Variants in CHODL observed in about 807,000 individuals in gnomAD.
The protein encoded by CHODL is chondrolectin.
Under a neutral mutation model 34.5 loss-of-function variants are expected in CHODL, and 29 were observed. The observed-to-expected ratio is 0.84, with a 90% CI of 0.63 to 1.15. CHODL has a LOEUF of 1.15. Among genes scored for constraint, CHODL ranks in the 50% most tolerant of loss-of-function variants. The pLI is 0.00. For synonymous variants in CHODL, 125 were observed against 116.1 expected (o/e 1.08, Z -0.49); for missense variants, 332 against 332.5 (o/e 1.00, Z 0.01).
intron 2 of CHODL, among the ~76,000 whole-genome samples, chr21:18,206,220 C>T (rs1381792732): frequency 6.6e-6 from 1 of 152,102 alleles, no homozygotes; most frequent in Non-Finnish European, 1.5e-5. Flanking sequence ...TTGTTCAATG[C>T]TAAAAGTAGG....
At chr21:17,976,027 G>A (rs2063659147) in intron 1 of CHODL, among the ~76,000 whole-genome samples, 1 of 152,010 alleles carries the variant, frequency 6.6e-6, no homozygotes, top group Non-Finnish European at 1.5e-5. Flanking sequence ...AAGTTTCTGT[G>A]AGAAATAGGC....
At chr21:18,034,803 G>A (rs2064290578) in intron 2 of CHODL, among the ~76,000 whole-genome samples, 1 of 152,008 alleles carries the variant, frequency 6.6e-6, no homozygotes, top group South Asian at 2.1e-4. Flanking sequence ...TTTCTCCAGG[G>A]AGGAAAAAGC....
intron 2 of CHODL, among the ~76,000 whole-genome samples, chr21:18,156,955 T>C (rs1462886627): frequency 6.6e-6 from 1 of 152,232 alleles, no homozygotes; most frequent in Non-Finnish European, 1.5e-5. Flanking sequence ...AGTATGCCTA[T>C]CCTTGCCCTC....
At chr21:17,939,159 ATGT>A (rs2063343851) in intron 1 of CHODL, among the ~76,000 whole-genome samples, 1 of 152,192 alleles carries the variant, frequency 6.6e-6, no homozygotes, top group African/African-American at 2.4e-5. Flanking sequence ...TATAGGTACA[ATGT>A]TGTACAGCAG....
intron 2 of CHODL, among the ~76,000 whole-genome samples, chr21:18,068,794 T>A (rs2064762132): frequency 6.6e-6 from 1 of 151,666 alleles, no homozygotes; most frequent in Admixed American, 6.6e-5. Context: ...TTTTTTTTTT[T>A]AACCCTAAAC....
At chr21:18,029,942 T>C (rs2064227804) in intron 2 of CHODL, among the ~76,000 whole-genome samples, 1 of 152,156 alleles carries the variant, frequency 6.6e-6, no homozygotes, top group Non-Finnish European at 1.5e-5. Flanking sequence ...TATTAGCTTT[T>C]ATCCTCTCTT....
At chr21:18,155,315 C>T (rs1473339869) in intron 2 of CHODL, among the ~76,000 whole-genome samples, 2 of 152,174 alleles carry the variant, frequency 1.3e-5, no homozygotes, top group Non-Finnish European at 2.9e-5. Context: ...CCTCAGTTCT[C>T]CCTTGAAAGA....
At chr21:18,077,532 C>A (rs1365160641) in intron 2 of CHODL, among the ~76,000 whole-genome samples, 5 of 152,038 alleles carry the variant, frequency 3.3e-5, no homozygotes, top group African/African-American at 1.2e-4. Context: ...ATGTAGAAAT[C>A]CTTACCTCTA....
At chr21:18,248,395 A>G (rs2074169938) in intron 1 of CHODL, among the ~76,000 whole-genome samples, 1 of 151,392 alleles carries the variant, frequency 6.6e-6, no homozygotes, top group African/African-American at 2.4e-5. Flanking sequence ...CAGAGATGCA[A>G]TTACTTTAAG....
intron 1 of CHODL, among the ~76,000 whole-genome samples, chr21:17,968,742 T>A (rs2824584): frequency 0.16 from 23,715 of 152,092 alleles, 2,158 homozygotes; most frequent in Middle Eastern, 0.27. Flanking sequence ...AGAGTTCATC[T>A]GGAATTTCTC....
At chr21:17,944,688 T>G (rs1876037) in intron 1 of CHODL, among the ~76,000 whole-genome samples, 1 of 151,994 alleles carries the variant, frequency 6.6e-6, no homozygotes, top group African/African-American at 2.4e-5. Flanking sequence ...GTAGCTCCAC[T>G]TGATATCAAA....
intron 1 of CHODL, among the ~76,000 whole-genome samples, chr21:18,016,743 T>C (rs2064078164): frequency 6.6e-6 from 1 of 152,232 alleles, no homozygotes; most frequent in Non-Finnish European, 1.5e-5. Flanking sequence ...AAGCTGCAGG[T>C]ACTCTATGCC....
rs1472323404 is a variant in CHODL, at chr21:18,256,573, G to A, written c.144G>A (p.Leu48=). ...ACAAAATGGCCTACTTCCATGAACT[G>A]TCCAGCCGAGTGAGCTTTCAGGAGG... ...PCYKMAYFHE[L]SSRVSFQEAR... is the part of the protein sequence containing the mutation. The change falls in exon 2 of 6, where the codon CTG becomes CTA. Residue 48 remains leucine, a synonymous_variant. Transcript: ENST00000299295. The A allele has an allele frequency of 1.2e-6, 2 of 1,613,150 alleles. No individual in the cohort carries two copies. Among genetic ancestry groups the A allele is most frequent in the African/African-American group, 2.7e-5 (2 of 74,594 alleles).
intron 2 of CHODL, among the ~76,000 whole-genome samples, chr21:18,181,844 G>T (rs757912729): frequency 1.3e-5 from 2 of 152,006 alleles, no homozygotes; most frequent in East Asian, 1.9e-4. Context: ...TCATTCCAAG[G>T]CTCCTCCATG....
chr21:18,246,735 A>C (rs1251143879), intron 1 of CHODL, among the ~76,000 whole-genome samples: 1 of 152,236 alleles, frequency 6.6e-6, no homozygotes, highest in African/African-American at 2.4e-5. Flanking sequence ...AATATCCTTT[A>C]GATATGCTCT....
intron 3 of CHODL, among the ~76,000 whole-genome samples, chr21:18,257,472 G>A (rs1019405534): frequency 2.6e-5 from 4 of 152,202 alleles, no homozygotes; most frequent in African/African-American, 4.8e-5. Flanking sequence ...GGAAGTAGAT[G>A]TAAGTTACCA....
intron 2 of CHODL, among the ~76,000 whole-genome samples, chr21:18,100,819 T>A (rs1452115368): frequency 6.6e-6 from 1 of 152,168 alleles, no homozygotes; most frequent in Non-Finnish European, 1.5e-5. Context: ...AGTATTTATA[T>A]ACTGTATGTG....
In CHODL at chr21:18,232,941, T is replaced by TTATATATATATATATATATATATA. The variant is rs752640406; in HGVS notation, c.-44-23568_-44-23567insTATATATATATATATATATATATA. ...TAATTATGGGGTCCACATGATGTTA[T>TTATATATATATATATATATATATA]GATATATATATATATATATATATAT... On this transcript the variant is annotated intron_variant, in intron 2 of 6. Coordinates refer to the CHODL transcript ENST00000400127. Among the ~76,000 whole-genome samples, 86 of 97,576 alleles carry TTATATATATATATATATATATATA rather than the reference T, an allele frequency of 8.8e-4. 4 individuals are homozygous for TTATATATATATATATATATATATA. Among genetic ancestry groups the TTATATATATATATATATATATATA allele is most frequent in the African/African-American group, 2.2e-3 (41 of 18,798 alleles). 64.0% of individuals were successfully genotyped at this position (97,576 alleles called of 152,430 possible).
At chr21:18,092,427 G>T (rs1214466979) in intron 2 of CHODL, among the ~76,000 whole-genome samples, 2 of 152,126 alleles carry the variant, frequency 1.3e-5, no homozygotes, top group African/African-American at 2.4e-5. Context: ...AGACAATGAA[G>T]AATATATACA....
Sources: allele counts gnomAD v4.1 joint callset (sites outside exome capture counted in the v4.1 genomes callset), GRCh38; gene constraint gnomAD v4.1.1; transcripts MANE v1.5; gene names NCBI Gene and HGNC (gene_info 2026-07-23, HGNC 2026-07-21).